Variants in TOMM20 observed in about 807,000 individuals in gnomAD.
TOMM20 encodes the protein mitochondrial import receptor subunit TOM20 homolog.
TOMM20 carries 10 observed loss-of-function variants against 22.1 expected under a neutral mutation model. The observed-to-expected ratio is 0.45, with a 90% confidence interval of 0.28 to 0.77. TOMM20 has a LOEUF of 0.77. TOMM20 is among the 30% of genes least tolerant of loss of function. The pLI, the probability that TOMM20 is intolerant of heterozygous loss-of-function variation, is 0.13. For synonymous variants in TOMM20, 55 were observed against 61.4 expected (o/e 0.90, Z 0.49); for missense variants, 121 against 172.2 (o/e 0.70, Z 1.66).
intron 1 of TOMM20, among the ~76,000 whole-genome samples, chr1:235,123,680 T>C (rs1660966629): frequency 1.3e-5 from 2 of 152,244 alleles, no homozygotes; most frequent in African/African-American, 2.4e-5. Flanking sequence ...GCATTAAAGT[T>C]GATCTTATGT....
Position 235,111,919 on chromosome 1 carries a change from A to T in TOMM20, c.*145T>A. On this transcript the variant is annotated 3_prime_UTR_variant, in exon 5 of 5. Coordinates refer to ENST00000366607, the MANE Select transcript of TOMM20 (RefSeq NM_014765.3). Reference sequence around the variant, plus strand: ...AAAAATAAATAAAATAGACAAATGGATCTACACAAAGTAAACATTAACTTT... The same window carrying T: ...AAAAATAAATAAAATAGACAAATGGTTCTACACAAAGTAAACATTAACTTT... The T allele has an allele frequency of 1.4e-6, 1 of 718,858 alleles. No homozygotes were observed. The highest frequency in any genetic ancestry group is 2.4e-6 in the Non-Finnish European group (1 of 409,746). The allele number at this position is 718,858 out of a possible 1,614,324, so 44.5% of individuals were successfully genotyped here. A position where few individuals can be genotyped will look rare whatever the true frequency, so the allele number is the denominator to read the frequency against.
intron 2 of TOMM20, among the ~76,000 whole-genome samples, 183 bp downstream of exon 2, chr1:235,122,143 G>A (rs528462764): frequency 3.3e-5 from 5 of 152,056 alleles, no homozygotes; most frequent in African/African-American, 4.8e-5. Flanking sequence ...TGAAGGACTC[G>A]ATAACTGTCA....
Position 235,111,433 on chromosome 1 carries a change from CA to C in TOMM20, c.*630del, listed in dbSNP as rs1326520873. On this transcript the variant is annotated 3_prime_UTR_variant, in exon 5 of 5. Transcript: ENST00000366607. ...TAATTCCTGGTGCTATTTGCAACTACATATATTTAAAATACAAGGAGATAAA... is the reference window on the plus strand; with the variant it reads ...TAATTCCTGGTGCTATTTGCAACTACTATATTTAAAATACAAGGAGATAAA... 6.6e-6 allele frequency: 1 copy of C among 152,518 alleles called. No individual in the cohort carries two copies. The highest frequency in any genetic ancestry group is 1.5e-5 in the Non-Finnish European group (1 of 68,134). 9.4% of individuals were successfully genotyped at this position (152,518 alleles called of 1,614,324 possible). A position where few individuals can be genotyped will look rare whatever the true frequency, so the allele number is the denominator to read the frequency against.
In TOMM20 at chr1:235,110,872, CT is replaced by C. The variant is rs1660728771; in HGVS notation, c.*1191del. The C allele has an allele frequency of 6.6e-6, 1 of 152,220 alleles. No individual in the cohort carries two copies. Among genetic ancestry groups the C allele is most frequent in the African/African-American group, 2.4e-5 (1 of 41,452 alleles). The allele number at this position is 152,220 out of a possible 1,614,324, so 9.4% of individuals were successfully genotyped here. On this transcript the variant is annotated 3_prime_UTR_variant, in exon 5 of 5. Coordinates refer to ENST00000366607, the MANE Select transcript of TOMM20 (RefSeq NM_014765.3). Reference sequence around the variant, plus strand: ...CAAGGATCCTTACTCAGTTCTGAAACTGTGACTACGGAGAATATGTCACTAT... The same window carrying C: ...CAAGGATCCTTACTCAGTTCTGAAACGTGACTACGGAGAATATGTCACTAT...
chr1:235,119,879 A>T lies in TOMM20; in HGVS notation c.189T>A (p.Ala63=). ...GLSKLPDLKD[A]EAVQKFFLEE... ...CAAGGAAGAACTTCTGAACAGCTTC[A>T]GCATCTTTAAGGTCAGGTAACTGGA... is the stretch of plus-strand genomic sequence containing the variant. Residue 63 remains alanine (A), a synonymous_variant, in exon 3 of 5, where the codon GCT becomes GCA. Transcript: ENST00000366607. The T allele has an allele frequency of 6.2e-7, 1 of 1,611,528 alleles. No individual in the cohort carries two copies. Among genetic ancestry groups the T allele is most frequent in the Non-Finnish European group, 8.5e-7 (1 of 1,178,326 alleles).
chr1:235,121,957 T>C (rs1171245414), intron 2 of TOMM20, among the ~76,000 whole-genome samples: 1 of 152,242 alleles, frequency 6.6e-6, no homozygotes, highest in Non-Finnish European at 1.5e-5. Context: ...CCCATGGTTC[T>C]TTTACAGGAA....
intron 4 of TOMM20, among the ~76,000 whole-genome samples, chr1:235,113,229 T>C (rs1419136832): frequency 6.6e-6 from 1 of 152,220 alleles, no homozygotes; most frequent in African/African-American, 2.4e-5. Flanking sequence ...TTACAGTATA[T>C]TAATGCTATT....
chr1:235,124,591 G>A (rs1660981614), intron 1 of TOMM20, among the ~76,000 whole-genome samples: 1 of 152,148 alleles, frequency 6.6e-6, no homozygotes, highest in Non-Finnish European at 1.5e-5. Context: ...CTGTATGTGA[G>A]ACATACAATT....
chr1:235,125,098 T>C (rs2102813184), intron 1 of TOMM20, among the ~76,000 whole-genome samples: 1 of 152,358 alleles, frequency 6.6e-6, no homozygotes, highest in South Asian at 2.1e-4. Flanking sequence ...AAACTACACC[T>C]CAAGGATCCT....
rs1449888701 is a variant in TOMM20, at chr1:235,110,446, AAACT to A, written c.*1614_*1617del. On this transcript the variant is annotated 3_prime_UTR_variant, in exon 5 of 5. Transcript: ENST00000366607. The stretch of plus-strand genomic sequence containing the variant: ...CTTTGGATTTGGGATCCCACTAGTA[AAACT>A]AACTGGCATGTCTGTACTGGTCATC... 6.6e-6 allele frequency: 1 copy of A among 152,188 alleles called. No individual in the cohort carries two copies. The highest frequency in any genetic ancestry group is 2.4e-5 in the African/African-American group (1 of 41,410). 9.4% of individuals were successfully genotyped at this position (152,188 alleles called of 1,614,324 possible).
chr1:235,115,614 G>C (rs1003195583), intron 3 of TOMM20, among the ~76,000 whole-genome samples: 3 of 152,150 alleles, frequency 2.0e-5, no homozygotes, highest in Non-Finnish European at 2.9e-5. Context: ...GCGACAGAGC[G>C]AGACTCTGTC....
chr1:235,121,531 T>C (rs1174974781), intron 2 of TOMM20, among the ~76,000 whole-genome samples: 1 of 152,202 alleles, frequency 6.6e-6, no homozygotes, highest in African/African-American at 2.4e-5. Flanking sequence ...ACTTCACTAT[T>C]ACCATGTCCA....
chr1:235,124,304 G>T (rs951506452), intron 1 of TOMM20, among the ~76,000 whole-genome samples: 1 of 152,220 alleles, frequency 6.6e-6, no homozygotes, highest in African/African-American at 2.4e-5. Context: ...CTGAGATAGC[G>T]CCACTGCGCT....
chr1:235,128,484 C>A, intron 1 of TOMM20, 111 bp downstream of exon 1: 1 of 1,549,110 alleles, frequency 6.5e-7, no homozygotes, highest in South Asian at 1.2e-5. Context: ...GAGGGCCGCA[C>A]CACGCGGTCG....
At chr1:235,123,167 A>G (rs886130313) in intron 1 of TOMM20, among the ~76,000 whole-genome samples, 1 of 152,226 alleles carries the variant, frequency 6.6e-6, no homozygotes, top group East Asian at 1.9e-4. Context: ...AAAGCACTCT[A>G]CAAATCCAAG....
At chr1:235,117,027 CG>C (rs1418598593) in intron 3 of TOMM20, among the ~76,000 whole-genome samples, 1 of 141,760 alleles carries the variant, frequency 7.1e-6, no homozygotes, top group East Asian at 2.3e-4. Context: ...CCCAGCTACT[CG>C]GGAGGCTGAG....
rs1660732922 is a variant in TOMM20, at chr1:235,111,128, T to C, written c.*936A>G. ...CAGAACCATATAATTTCAGTGAAAA[T>C]CAAGATAGTTATACCATTAAAAAAA... On this transcript the variant is annotated 3_prime_UTR_variant, in exon 5 of 5. Coordinates refer to ENST00000366607, the MANE Select transcript of TOMM20 (RefSeq NM_014765.3). The C allele has an allele frequency of 6.6e-6, 1 of 152,098 alleles. No individual in the cohort carries two copies. The highest frequency in any genetic ancestry group is 2.4e-5 in the African/African-American group (1 of 41,478). 9.4% of individuals were successfully genotyped at this position (152,098 alleles called of 1,614,324 possible).
intron 2 of TOMM20, among the ~76,000 whole-genome samples, chr1:235,122,026 T>G (rs1276367603): frequency 6.6e-6 from 1 of 152,170 alleles, no homozygotes; most frequent in Admixed American, 6.5e-5. Context: ...AGCAGCTGAT[T>G]AGGAACTTTT....
chr1:235,122,538 A>G, intron 1 of TOMM20, 166 bp from the exon 2 acceptor site: 1 of 545,184 alleles, frequency 1.8e-6, no homozygotes, highest in Non-Finnish European at 3.1e-6. Flanking sequence ...GTTCTGGTCA[A>G]TGAGCTGTAG....
Sources: gnomAD v4.1 joint callset for allele counts (sites outside exome capture counted in the v4.1 genomes callset) on GRCh38, gnomAD v4.1.1 for gene constraint, MANE v1.5 for transcripts, NCBI Gene and HGNC (gene_info 2026-07-23, HGNC 2026-07-21) for gene names.